The following UQCC6 variants were observed in gnomAD, a reference collection of about 807,000 sequenced individuals.
The protein encoded by UQCC6 is protein BRAWNIN.
At chr12:103,957,817 CG>C in the UQCC6 span, among the ~76,000 whole-genome samples, 1 of 150,794 alleles carries the variant, frequency 6.6e-6, no homozygotes, top group South Asian at 2.1e-4. Context: ...CCAAGGCGGG[CG>C]GATCACTTGA....
chr12:103,956,537 G>C, the UQCC6 span: 1 of 812,562 alleles, frequency 1.2e-6, no homozygotes, highest in African/African-American at 1.7e-5. Context: ...AGGAGCATCT[G>C]CATTGCTATA....
chr12:103,959,906 A>G, the UQCC6 span, among the ~76,000 whole-genome samples: 7 of 142,656 alleles, frequency 4.9e-5, no homozygotes, highest in Non-Finnish European at 1.5e-5. Flanking sequence ...CAAGTAGCTG[A>G]GATTACAGGC....
At chr12:103,957,130 GAGA>G in the UQCC6 span, 1 of 181,278 alleles carries the variant, frequency 5.5e-6, no homozygotes, top group South Asian at 1.1e-4. Context: ...CGCTCTACTA[GAGA>G]CTGTACCGCG....
chr12:103,956,757 G>A, the UQCC6 span: 14 of 1,506,006 alleles, frequency 9.3e-6, no homozygotes, highest in Non-Finnish European at 1.3e-5. Flanking sequence ...GGCTGGACGG[G>A]GAAGGAAGGG....
chr12:103,951,955 T>G, the UQCC6 span, among the ~76,000 whole-genome samples: 1 of 152,372 alleles, frequency 6.6e-6, no homozygotes, highest in Non-Finnish European at 1.5e-5. Context: ...CACCATCTAC[T>G]GACTCTCTAC....
chr12:103,962,918 T>C, the UQCC6 span, among the ~76,000 whole-genome samples: 1 of 152,230 alleles, frequency 6.6e-6, no homozygotes, highest in Non-Finnish European at 1.5e-5. Context: ...CCCTGTGTCA[T>C]GCATACAACT....
At chr12:103,961,720 CTAAGT>C in the UQCC6 span, among the ~76,000 whole-genome samples, 62 of 152,158 alleles carry the variant, frequency 4.1e-4, no homozygotes, top group East Asian at 1.7e-3. Context: ...CTACGCCCAG[CTAAGT>C]TTTCTTTGTA....
At chr12:103,957,079 A>T in the UQCC6 span, 1 of 314,758 alleles carries the variant, frequency 3.2e-6, no homozygotes, top group South Asian at 3.6e-5. Context: ...CTCTTGGAGG[A>T]GAGGAACTGT....
the UQCC6 span, among the ~76,000 whole-genome samples, chr12:103,964,608 G>A: frequency 2.6e-5 from 4 of 152,184 alleles, no homozygotes. Flanking sequence ...TCAGTCACCA[G>A]AATTCTCTCC....
chr12:103,957,124 C>T, the UQCC6 span: 2 of 199,866 alleles, frequency 1.0e-5, no homozygotes, highest in Admixed American at 1.1e-4. Context: ...TACACGCGCT[C>T]TACTAGAGAC....
At chr12:103,958,962 A>T in the UQCC6 span, among the ~76,000 whole-genome samples, 1 of 152,240 alleles carries the variant, frequency 6.6e-6, no homozygotes, top group Non-Finnish European at 1.5e-5. Flanking sequence ...TGCTGAGACC[A>T]GATAACAGAA....
At chr12:103,958,073 G>A in the UQCC6 span, among the ~76,000 whole-genome samples, 2 of 142,232 alleles carry the variant, frequency 1.4e-5, no homozygotes, top group African/African-American at 2.6e-5. Context: ...AAATTTAGCC[G>A]GGCGTGGTGG....
At chr12:103,958,111 G>C in the UQCC6 span, among the ~76,000 whole-genome samples, 1 of 148,970 alleles carries the variant, frequency 6.7e-6, no homozygotes, top group Non-Finnish European at 1.5e-5. Flanking sequence ...AGCTACTCGG[G>C]AGGCTGAGGC....
the UQCC6 span, among the ~76,000 whole-genome samples, chr12:103,952,877 G>A: frequency 6.6e-6 from 1 of 152,204 alleles, no homozygotes; most frequent in Non-Finnish European, 1.5e-5. Flanking sequence ...AGCATTTCAG[G>A]CAGATGGAAC....
At chr12:103,954,885 G>A in the UQCC6 span, 2 of 694,552 alleles carry the variant, frequency 2.9e-6, no homozygotes, top group Admixed American at 4.1e-5. Context: ...CAAACAGAAA[G>A]CTTGGGCTTC....
chr12:103,961,190 A>T, the UQCC6 span, among the ~76,000 whole-genome samples: 1 of 152,120 alleles, frequency 6.6e-6, no homozygotes, highest in Admixed American at 6.5e-5. Flanking sequence ...TAAAAAAAAA[A>T]AATTAAAAAC....
chr12:103,950,993 C>T, the UQCC6 span: 2 of 152,294 alleles, frequency 1.3e-5, no homozygotes, highest in Non-Finnish European at 1.5e-5. Context: ...AGGGACAGGT[C>T]TTTTCTTCAC....
chr12:103,963,472 T>C, the UQCC6 span, among the ~76,000 whole-genome samples: 4 of 152,254 alleles, frequency 2.6e-5, no homozygotes. Context: ...CATTTCCATA[T>C]AAATTTTAGA....
chr12:103,954,665 A>G, the UQCC6 span: 4 of 403,982 alleles, frequency 9.9e-6, no homozygotes, highest in Non-Finnish European at 1.8e-5. Context: ...CAAATATCCA[A>G]CCCGTATCAG....
Sources: gnomAD v4.1 joint callset for allele counts (sites outside exome capture counted in the v4.1 genomes callset) on GRCh38, gnomAD v4.1.1 for gene constraint, MANE v1.5 for transcripts, NCBI Gene and HGNC (gene_info 2026-07-23, HGNC 2026-07-21) for gene names.